NELL1: variants seen among roughly 807,000 people sequenced by gnomAD.
The protein encoded by NELL1 is neural EGFL like 1.
NELL1 carries 76 observed loss-of-function variants against 107.4 expected under a neutral mutation model. That is an observed-to-expected ratio of 0.71 (90% CI 0.59 to 0.86). The LOEUF is 0.86. NELL1 is among the 40% of genes least tolerant of loss of function. The pLI is 0.00. For missense variants in NELL1, 1,024 were observed against 1,005.5 expected (o/e 1.02, Z -0.25); for synonymous variants, 353 against 341.2 (o/e 1.03, Z -0.38).
intron 4 of NELL1, among the ~76,000 whole-genome samples, chr11:20,863,756 C>T (rs775717078): frequency 2.0e-5 from 3 of 152,162 alleles, no homozygotes; most frequent in Non-Finnish European, 2.9e-5. Flanking sequence ...CCAAGGCAGG[C>T]GGCTGGGAGG....
chr11:21,075,461 C>CTTTG (rs112900279), intron 12 of NELL1, among the ~76,000 whole-genome samples: 6 of 151,784 alleles, frequency 4.0e-5, no homozygotes, highest in African/African-American at 1.2e-4. Flanking sequence ...TCAGATCAGT[C>CTTTG]TTTGTTTGTT....
intron 12 of NELL1, among the ~76,000 whole-genome samples, chr11:21,012,720 G>C (rs956636503): frequency 7.9e-5 from 12 of 152,070 alleles, no homozygotes; most frequent in African/African-American, 2.9e-4. Flanking sequence ...GTTGGGTCAG[G>C]GATGAAATCA....
intron 14 of NELL1, among the ~76,000 whole-genome samples, chr11:21,235,052 C>G (rs1858170011): frequency 6.6e-6 from 1 of 152,056 alleles, no homozygotes; most frequent in Admixed American, 6.6e-5. Flanking sequence ...GAATAGGAAG[C>G]CTTTGGCAAA....
chr11:21,084,465 CTT>C (rs1565050683), intron 12 of NELL1, among the ~76,000 whole-genome samples: 1 of 152,104 alleles, frequency 6.6e-6, no homozygotes, highest in Non-Finnish European at 1.5e-5. Context: ...GATGTTAACT[CTT>C]ATAGTGATCG....
intron 18 of NELL1, among the ~76,000 whole-genome samples, chr11:21,571,820 T>A (rs1474270725): frequency 6.6e-6 from 1 of 151,846 alleles, no homozygotes; most frequent in Admixed American, 6.6e-5. Context: ...ATATGTAAAG[T>A]CACAACTATG....
chr11:20,908,350 A>G (rs1395048779), intron 5 of NELL1, among the ~76,000 whole-genome samples: 1 of 152,196 alleles, frequency 6.6e-6, no homozygotes, highest in African/African-American at 2.4e-5. Flanking sequence ...TGTGGTACAT[A>G]TACACCAGGG....
chr11:21,243,318 T>C (rs1268596320), intron 14 of NELL1, among the ~76,000 whole-genome samples: 2 of 150,636 alleles, frequency 1.3e-5, no homozygotes, highest in African/African-American at 2.4e-5. Context: ...TGAGGAATTT[T>C]TCATATCTTT....
At chr11:21,060,735 T>C (rs1281745353) in intron 12 of NELL1, among the ~76,000 whole-genome samples, 1 of 152,172 alleles carries the variant, frequency 6.6e-6, no homozygotes, top group African/African-American at 2.4e-5. Flanking sequence ...AGAGTCTCAC[T>C]TTGTTGCCCA....
At chr11:21,080,185 C>G (rs2133667703) in intron 12 of NELL1, among the ~76,000 whole-genome samples, 1 of 151,856 alleles carries the variant, frequency 6.6e-6, no homozygotes, top group South Asian at 2.1e-4. Context: ...TTTTTCATTT[C>G]AATTAAATAT....
intron 2 of NELL1, among the ~76,000 whole-genome samples, chr11:20,746,566 T>TCACACACA (rs10556247): frequency 0.011 from 1,684 of 149,322 alleles, 31 homozygotes; most frequent in African/African-American, 0.038. Flanking sequence ...GTGACAGATT[T>TCACACACA]CACACACACA....
chr11:20,935,988 T>A (rs964539473), intron 9 of NELL1, among the ~76,000 whole-genome samples: 3 of 152,130 alleles, frequency 2.0e-5, no homozygotes, highest in Non-Finnish European at 2.9e-5. Flanking sequence ...GTGAGGTTGC[T>A]GCAGGTCAGG....
At chr11:21,218,128 A>G (rs1406894226) in intron 13 of NELL1, among the ~76,000 whole-genome samples, 2 of 152,168 alleles carry the variant, frequency 1.3e-5, no homozygotes, top group African/African-American at 4.8e-5. Flanking sequence ...TACTATAGCC[A>G]AACTTAGGTT....
At chr11:20,838,491 T>A (rs1848570529) in intron 3 of NELL1, among the ~76,000 whole-genome samples, 1 of 151,850 alleles carries the variant, frequency 6.6e-6, no homozygotes, top group Non-Finnish European at 1.5e-5. Context: ...TTTTGTAATT[T>A]TCTGCAAATA....
At chr11:21,443,414 A>C (rs1853341714) in intron 15 of NELL1, among the ~76,000 whole-genome samples, 1 of 152,188 alleles carries the variant, frequency 6.6e-6, no homozygotes, top group African/African-American at 2.4e-5. Flanking sequence ...TAAGTTAAGT[A>C]GACTGGCTAA....
chr11:21,323,995 T>G (rs1451662868), intron 14 of NELL1, among the ~76,000 whole-genome samples: 1 of 152,164 alleles, frequency 6.6e-6, no homozygotes, highest in Non-Finnish European at 1.5e-5. Flanking sequence ...ACTTCCTGCT[T>G]TGGATGGCCA....
chr11:21,178,721 A>G lies in NELL1; in HGVS notation c.1427-50611A>G, dbSNP rs115084548. 8.6e-3 allele frequency among the ~76,000 whole-genome samples: 1,299 copies of G among 151,570 alleles called. 47 individuals are homozygous for G. The highest frequency in any genetic ancestry group is 0.03 in the African/African-American group (1,228 of 40,988). On this transcript the variant is annotated intron_variant, in intron 13 of 19. Coordinates refer to ENST00000357134, the MANE Select transcript of NELL1 (RefSeq NM_006157.5). ...CAAGGTTGCAGTGAGCCGAGACCAC[A>G]CTACTGCACTCCAGCCTTGGGGACA... is the stretch of plus-strand genomic sequence containing the variant.
intron 12 of NELL1, among the ~76,000 whole-genome samples, chr11:21,094,431 G>A (rs1417666225): frequency 2.0e-5 from 3 of 152,164 alleles, no homozygotes; most frequent in Non-Finnish European, 4.4e-5. Flanking sequence ...TCTGGAGGAT[G>A]GTGTGGCGCT....
intron 15 of NELL1, among the ~76,000 whole-genome samples, chr11:21,489,403 A>AAAAAAAAAAAAAAC (rs1564920475): frequency 6.8e-6 from 1 of 146,886 alleles, no homozygotes; most frequent in Non-Finnish European, 1.5e-5. Flanking sequence ...AAAAAAAAAA[A>AAAAAAAAAAAAAAC]AAAAACAGAA....
chr11:21,164,757 A>G lies in NELL1; in HGVS notation c.1426+51043A>G, dbSNP rs75055564. 9.5e-3 allele frequency among the ~76,000 whole-genome samples: 1,452 copies of G among 152,288 alleles called. 21 individuals are homozygous for G. Among genetic ancestry groups the G allele is most frequent in the African/African-American group, 0.033 (1,369 of 41,550 alleles). On this transcript the variant is annotated intron_variant, in intron 13 of 19. Transcript: ENST00000357134. ...GTCAAGAAGATTGAAGGAGAACAAAAATCCTCTGATTTGTGCCTCATTTTA... is the reference window on the plus strand; with the variant it reads ...GTCAAGAAGATTGAAGGAGAACAAAGATCCTCTGATTTGTGCCTCATTTTA...
Sources: allele counts gnomAD v4.1 joint callset (sites outside exome capture counted in the v4.1 genomes callset), GRCh38; gene constraint gnomAD v4.1.1; transcripts MANE v1.5; gene names NCBI Gene and HGNC (gene_info 2026-07-23, HGNC 2026-07-21).